The following NELL1 variants were observed in gnomAD, a reference collection of about 807,000 sequenced individuals.
The protein encoded by NELL1 is neural EGFL like 1, also known as protein kinase C-binding protein NELL1.
Under a neutral mutation model 107.4 loss-of-function variants are expected in NELL1, and 76 were observed. The observed-to-expected ratio is 0.71, with a 90% CI of 0.59 to 0.86. The LOEUF (loss-of-function observed/expected upper bound fraction) is 0.86, where lower values mean the gene tolerates loss of function less well. NELL1 is among the 40% of genes least tolerant of loss of function. The pLI is 0.00. For synonymous variants in NELL1, 353 were observed against 341.2 expected (o/e 1.03, Z -0.38); for missense variants, 1,024 against 1,005.5 (o/e 1.02, Z -0.25).
rs868723279 is a variant in NELL1 at position 20,763,256 on chromosome 11, A to G, written c.185-20424A>G. On this transcript the variant is annotated intron_variant, in intron 2 of 19. Coordinates refer to ENST00000357134, the MANE Select transcript of NELL1 (RefSeq NM_006157.5). The stretch of plus-strand genomic sequence containing the variant: ...TTGTAAGCTATTTGAGAAGCGTGGT[A>G]AGAGCAAGCCCTCCCACTGTAGCCA... Among the ~76,000 whole-genome samples the G allele has an allele frequency of 4.6e-5, 7 of 152,242 alleles. No homozygotes were observed. In the South Asian group the frequency reaches 1.0e-3, roughly 23 times the overall value.
intron 2 of NELL1, among the ~76,000 whole-genome samples, chr11:20,778,915 C>CATA (rs1264284782): frequency 6.6e-6 from 1 of 152,066 alleles, no homozygotes; most frequent in Non-Finnish European, 1.5e-5. Flanking sequence ...AGCACCAGCC[C>CATA]ACCCAGTTCC....
intron 14 of NELL1, among the ~76,000 whole-genome samples, chr11:21,291,876 C>T (rs771053701): frequency 1.7e-4 from 26 of 152,082 alleles, no homozygotes; most frequent in Non-Finnish European, 3.1e-4. Flanking sequence ...AAACTCAACA[C>T]CCCTTCATGC....
intron 14 of NELL1, among the ~76,000 whole-genome samples, chr11:21,367,463 G>A (rs558795585): frequency 9.9e-5 from 15 of 151,938 alleles, no homozygotes; most frequent in Non-Finnish European, 2.1e-4. Context: ...ACTAAGTTAA[G>A]GAAGGAGTGA....
chr11:20,822,897 G>A (rs998404825), intron 3 of NELL1, among the ~76,000 whole-genome samples: 2 of 152,220 alleles, frequency 1.3e-5, no homozygotes. Flanking sequence ...GAATGATGCA[G>A]TGGGGAGTAA....
At chr11:21,223,184 CTCTCTT>C (rs950287238) in intron 13 of NELL1, among the ~76,000 whole-genome samples, 1 of 151,990 alleles carries the variant, frequency 6.6e-6, no homozygotes, top group Non-Finnish European at 1.5e-5. Context: ...CTCTCTCTCT[CTCTCTT>C]TCTCTTTCTC....
intron 12 of NELL1, among the ~76,000 whole-genome samples, chr11:20,973,567 A>G (rs940175507): frequency 6.6e-6 from 1 of 152,234 alleles, no homozygotes; most frequent in Non-Finnish European, 1.5e-5. Context: ...ATGTGATTCC[A>G]TGGATAAACT....
At chr11:21,421,248 T>G (rs1373742574) in intron 15 of NELL1, among the ~76,000 whole-genome samples, 1 of 152,188 alleles carries the variant, frequency 6.6e-6, no homozygotes, top group Non-Finnish European at 1.5e-5. Flanking sequence ...ATGATTACAC[T>G]GGCCAAATCT....
Position 21,388,579 on chromosome 11 carries a change from C to T in NELL1, c.1645+17631C>T, listed in dbSNP as rs558479981. On this transcript the variant is annotated intron_variant, in intron 15 of 19. Transcript: ENST00000357134. ...CAAGTAAGTTTAATTCCCGTATTAC[C>T]CACAAAGAAATACATTCATATAGGT... Among the ~76,000 whole-genome samples the T allele has an allele frequency of 5.3e-5, 8 of 151,836 alleles. No homozygotes were observed. The South Asian group carries it at 1.7e-3, about 32-fold the overall frequency.
chr11:20,982,649 T>C (rs563657810), intron 12 of NELL1, among the ~76,000 whole-genome samples: 1 of 152,338 alleles, frequency 6.6e-6, no homozygotes, highest in South Asian at 2.1e-4. Context: ...AAGAGGAGGA[T>C]CAAGTGACTT....
intron 12 of NELL1, among the ~76,000 whole-genome samples, chr11:20,979,635 G>A (rs1027837813): frequency 6.6e-6 from 1 of 152,136 alleles, no homozygotes; most frequent in African/African-American, 2.4e-5. Context: ...AGAAAATCTT[G>A]GAACTCTTAA....
At chr11:21,315,011 C>T (rs1266830588) in intron 14 of NELL1, among the ~76,000 whole-genome samples, 1 of 152,108 alleles carries the variant, frequency 6.6e-6, no homozygotes, top group Non-Finnish European at 1.5e-5. Flanking sequence ...AGTCCACCAC[C>T]ACACCCAGAT....
At chr11:21,209,199 CAT>C (rs901989120) in intron 13 of NELL1, among the ~76,000 whole-genome samples, 4 of 152,044 alleles carry the variant, frequency 2.6e-5, no homozygotes, top group Admixed American at 6.6e-5. Flanking sequence ...TTATAAATAA[CAT>C]GTCTTTCAGC....
At chr11:21,225,158 T>C (rs568921297) in intron 13 of NELL1, among the ~76,000 whole-genome samples, 7 of 152,296 alleles carry the variant, frequency 4.6e-5, no homozygotes, top group East Asian at 1.9e-4. Context: ...CCCAGGAATA[T>C]GGACATGCAG....
intron 2 of NELL1, among the ~76,000 whole-genome samples, chr11:20,700,178 T>C (rs1854738712): frequency 6.6e-6 from 1 of 152,082 alleles, no homozygotes; most frequent in Admixed American, 6.6e-5. Flanking sequence ...ATATGTTAAA[T>C]GGATAATATG....
At chr11:21,039,001 C>G (rs985366995) in intron 12 of NELL1, among the ~76,000 whole-genome samples, 1 of 152,032 alleles carries the variant, frequency 6.6e-6, no homozygotes, top group Admixed American at 6.6e-5. Flanking sequence ...AGTACTCAGA[C>G]TAACCACTTT....
At chr11:20,715,422 C>A (rs1237019283) in intron 2 of NELL1, among the ~76,000 whole-genome samples, 1 of 151,930 alleles carries the variant, frequency 6.6e-6, no homozygotes, top group Non-Finnish European at 1.5e-5. Context: ...GAAATTGAGA[C>A]CCAGGAGGTT....
intron 4 of NELL1, among the ~76,000 whole-genome samples, chr11:20,855,851 C>T (rs1345470763): frequency 6.6e-6 from 1 of 151,994 alleles, no homozygotes; most frequent in Non-Finnish European, 1.5e-5. Context: ...AATGCATGAG[C>T]CATGAGGACT....
intron 13 of NELL1, among the ~76,000 whole-genome samples, chr11:21,147,836 C>CAAAAAAAAAAAAAAA (rs35688285): frequency 6.9e-5 from 2 of 28,806 alleles, no homozygotes; most frequent in Non-Finnish European, 1.2e-4. Context: ...AACTCCGTCT[C>CAAAAAAAAAAAAAAA]AAAAAAAAAA....
chr11:20,816,155 G>T (rs1202839429), intron 3 of NELL1, among the ~76,000 whole-genome samples: 2 of 152,198 alleles, frequency 1.3e-5, no homozygotes, highest in South Asian at 2.1e-4. Flanking sequence ...GGTTCCATAT[G>T]AATTTTAGTA....
Sources: gnomAD v4.1 joint callset for allele counts (sites outside exome capture counted in the v4.1 genomes callset) on GRCh38, gnomAD v4.1.1 for gene constraint, MANE v1.5 for transcripts, NCBI Gene and HGNC (gene_info 2026-07-23, HGNC 2026-07-21) for gene names.